The following GFRA1 variants were observed in gnomAD, a reference collection of about 807,000 sequenced individuals.
GFRA1 encodes the protein GDNF family receptor alpha-1.
In GFRA1, 16 loss-of-function variants were observed where a neutral mutation model predicts 51.6. The ratio of observed to expected loss-of-function variants is 0.31; its 90% CI spans 0.21 to 0.47. The LOEUF (loss-of-function observed/expected upper bound fraction) is 0.47, where lower values mean the gene tolerates loss of function less well. GFRA1 is among the 20% of genes least tolerant of loss of function. The pLI, the probability that GFRA1 is intolerant of heterozygous loss-of-function variation, is 1.00. For missense variants in GFRA1, 530 were observed against 594.3 expected, an observed-to-expected ratio of 0.89 and a Z score of 1.13; for synonymous variants, 270 against 241.3, an observed-to-expected ratio of 1.12 and a Z score of -1.10.
intron 4 of GFRA1, among the ~76,000 whole-genome samples, chr10:116,233,972 TC>T (rs1218755135): frequency 6.6e-6 from 1 of 152,192 alleles, no homozygotes; most frequent in African/African-American, 2.4e-5. Flanking sequence ...GCAAATCAAT[TC>T]ACTTTTGGAT....
intron 4 of GFRA1, among the ~76,000 whole-genome samples, chr10:116,243,134 A>T (rs1370513677): frequency 6.6e-6 from 1 of 152,238 alleles, no homozygotes; most frequent in Admixed American, 6.5e-5. Context: ...ATTTTTGAAT[A>T]TATTCTCCAG....
intron 6 of GFRA1, among the ~76,000 whole-genome samples, chr10:116,118,142 TTTAAATG>T (rs1180689412): frequency 6.6e-6 from 1 of 152,208 alleles, no homozygotes; most frequent in Admixed American, 6.5e-5. Flanking sequence ...TTAGTCATGT[TTTAAATG>T]TATTCATTCA....
At chr10:116,227,506 C>T (rs1966383257) in intron 4 of GFRA1, among the ~76,000 whole-genome samples, 1 of 152,204 alleles carries the variant, frequency 6.6e-6, no homozygotes, top group South Asian at 2.1e-4. Flanking sequence ...TTTCCTTCTA[C>T]AAACATTATT....
chr10:116,250,002 A>G (rs953051410), intron 4 of GFRA1, among the ~76,000 whole-genome samples: 2 of 152,090 alleles, frequency 1.3e-5, no homozygotes, highest in African/African-American at 2.4e-5. Context: ...GAAAATGACA[A>G]AGAGGAGCCA....
chr10:116,188,956 A>T (rs369179465), intron 5 of GFRA1, among the ~76,000 whole-genome samples: 124 of 151,330 alleles, frequency 8.2e-4, no homozygotes, highest in African/African-American at 2.6e-3. Context: ...ATCACAATTT[A>T]AAAAAAATAA....
rs74714670 is a variant in GFRA1, at chr10:116,060,813, G to A, written c.*3585C>T. ...TTATTGATTCAAGTACATCGTGCAT[G>A]TCTAACTAACTGCATGAATGAAAAC... On this transcript the variant is annotated 3_prime_UTR_variant, in exon 11 of 11. Coordinates refer to ENST00000355422, the MANE Select transcript of GFRA1 (RefSeq NM_005264.8). 1 of 120,216 alleles carries A rather than the reference G, an allele frequency of 8.3e-6. No homozygotes were observed. The highest frequency in any genetic ancestry group is 7.9e-5 in the Admixed American group (1 of 12,602). The allele number at this position is 120,216 out of a possible 1,614,324, so 7.4% of individuals were successfully genotyped here.
In GFRA1 at chr10:116,143,656, T is replaced by TTC. The variant is rs3837365; in HGVS notation, c.434-18101_434-18100dup. Reference sequence around the variant, plus strand: ...GGGTTCCTTGTCCTAGTTTCATTCATTCTCTCTCTCTCTCTCTCTCTCTCC... The same window carrying TTC: ...GGGTTCCTTGTCCTAGTTTCATTCATTCTCTCTCTCTCTCTCTCTCTCTCTCC... On this transcript the variant is annotated intron_variant, in intron 5 of 10. Transcript: ENST00000355422. Among the ~76,000 whole-genome samples the TTC allele has an allele frequency of 4.2e-4, 63 of 150,136 alleles. 1 individual carries two copies. Among genetic ancestry groups the TTC allele is most frequent in the African/African-American group, 1.2e-3 (49 of 40,930 alleles).
At chr10:116,076,465 G>A (rs1955623631) in intron 9 of GFRA1, among the ~76,000 whole-genome samples, 1 of 152,106 alleles carries the variant, frequency 6.6e-6, no homozygotes, top group Admixed American at 6.6e-5. Flanking sequence ...GTCATTTCAG[G>A]GTGATAGAAG....
intron 4 of GFRA1, among the ~76,000 whole-genome samples, chr10:116,269,091 G>A (rs1391451621): frequency 6.6e-6 from 1 of 152,174 alleles, no homozygotes; most frequent in Non-Finnish European, 1.5e-5. Context: ...ATCTTTGGGC[G>A]TCTTGTAAAG....
intron 4 of GFRA1, among the ~76,000 whole-genome samples, chr10:116,263,336 G>A (rs1470834397): frequency 6.6e-6 from 1 of 152,126 alleles, no homozygotes; most frequent in Non-Finnish European, 1.5e-5. Context: ...GACCAAGTAT[G>A]TTTCAGGCAC....
chr10:116,144,462 G>A (rs1589822100), intron 5 of GFRA1, among the ~76,000 whole-genome samples: 2 of 151,818 alleles, frequency 1.3e-5, no homozygotes, highest in Admixed American at 1.3e-4. Flanking sequence ...AGGAATACGA[G>A]ATAATGTCAG....
intron 5 of GFRA1, among the ~76,000 whole-genome samples, chr10:116,206,313 T>C (rs568269785): frequency 7.9e-5 from 12 of 152,262 alleles, no homozygotes; most frequent in South Asian, 2.1e-4. Flanking sequence ...AGCTTTATAA[T>C]AGATGGGTTT....
intron 5 of GFRA1, among the ~76,000 whole-genome samples, chr10:116,154,469 A>T (rs1565614542): frequency 6.6e-6 from 1 of 152,216 alleles, no homozygotes. Context: ...CAAAAAGTAT[A>T]TATTTTATTA....
At chr10:116,065,975 C>T (rs1046490307) in intron 9 of GFRA1, among the ~76,000 whole-genome samples, 2 of 152,192 alleles carry the variant, frequency 1.3e-5, no homozygotes, top group Non-Finnish European at 1.5e-5. Flanking sequence ...CAAGTGGCTC[C>T]TGAAGGAGCA....
At chr10:116,155,516 A>G (rs1238497199) in intron 5 of GFRA1, among the ~76,000 whole-genome samples, 1 of 152,248 alleles carries the variant, frequency 6.6e-6, no homozygotes, top group Admixed American at 6.5e-5. Flanking sequence ...CCCACAACCC[A>G]GAACAGATAC....
At chr10:116,124,528 G>T (rs1463044180) in intron 6 of GFRA1, among the ~76,000 whole-genome samples, 1 of 152,154 alleles carries the variant, frequency 6.6e-6, no homozygotes, top group Non-Finnish European at 1.5e-5. Flanking sequence ...ACCACACCCG[G>T]CCAGTTTTTT....
At chr10:116,217,687 T>C (rs934081159) in intron 4 of GFRA1, among the ~76,000 whole-genome samples, 7 of 152,204 alleles carry the variant, frequency 4.6e-5, no homozygotes, top group Non-Finnish European at 8.8e-5. Flanking sequence ...TCAGAGCTGG[T>C]CCTATGTCTG....
chr10:116,190,839 T>C (rs1963191247), intron 5 of GFRA1, among the ~76,000 whole-genome samples: 1 of 152,230 alleles, frequency 6.6e-6, no homozygotes, highest in African/African-American at 2.4e-5. Context: ...CTCCAAATGT[T>C]AACTGAATGC....
intron 5 of GFRA1, among the ~76,000 whole-genome samples, chr10:116,197,150 G>A (rs1438966334): frequency 6.6e-6 from 1 of 152,034 alleles, no homozygotes; most frequent in Non-Finnish European, 1.5e-5. Flanking sequence ...TTCACAGGTT[G>A]AAACCTAATC....
Sources: allele counts gnomAD v4.1 joint callset (sites outside exome capture counted in the v4.1 genomes callset), GRCh38; gene constraint gnomAD v4.1.1; transcripts MANE v1.5; gene names NCBI Gene and HGNC (gene_info 2026-07-23, HGNC 2026-07-21).